TMTC2: variants seen among roughly 807,000 people sequenced by gnomAD.
TMTC2 encodes transmembrane O-mannosyltransferase targeting cadherins 2, also known as protein O-mannosyl-transferase TMTC2.
TMTC2 carries 43 observed loss-of-function variants against 82.4 expected under a neutral mutation model. The observed-to-expected ratio is 0.52, with a 90% confidence interval of 0.41 to 0.67. TMTC2 has a LOEUF of 0.67. Among genes scored for constraint, TMTC2 ranks in the 30% least tolerant of loss-of-function variants. The probability of loss-of-function intolerance (pLI) is 0.00; values close to 1 mark genes in which losing one functional copy is unlikely to be tolerated. For missense variants in TMTC2, 919 were observed against 1,012.4 expected (o/e 0.91, Z 1.25); for synonymous variants, 408 against 381.9 (o/e 1.07, Z -0.80).
chr12:83,032,783 AC>A (rs1881494139), intron 9 of TMTC2, among the ~76,000 whole-genome samples: 1 of 151,820 alleles, frequency 6.6e-6, no homozygotes, highest in South Asian at 2.1e-4. Flanking sequence ...CTGGTCTCAA[AC>A]TCCTGACCTC....
intron 1 of TMTC2, among the ~76,000 whole-genome samples, chr12:82,820,453 C>T (rs554513096): frequency 1.3e-4 from 19 of 151,610 alleles, no homozygotes; most frequent in South Asian, 2.1e-4. Context: ...TCTACTGCAA[C>T]GTCCTCCACC....
chr12:82,953,458 A>G (rs1231683721), intron 4 of TMTC2, among the ~76,000 whole-genome samples: 1 of 152,150 alleles, frequency 6.6e-6, no homozygotes, highest in Admixed American at 6.5e-5. Context: ...TTTGACTCAT[A>G]TCTATTTTAT....
At chr12:82,779,808 G>A (rs1877802132) in intron 1 of TMTC2, among the ~76,000 whole-genome samples, 1 of 152,112 alleles carries the variant, frequency 6.6e-6, no homozygotes, top group Admixed American at 6.5e-5. Flanking sequence ...GCTGAGACAG[G>A]AGAATTGCTT....
intron 9 of TMTC2, among the ~76,000 whole-genome samples, chr12:83,043,457 C>T (rs773853749): frequency 6.6e-6 from 1 of 152,174 alleles, no homozygotes; most frequent in Non-Finnish European, 1.5e-5. Flanking sequence ...GGCTTTTCCC[C>T]ATTTCTAATC....
chr12:82,990,590 G>A (rs529215462), intron 8 of TMTC2, among the ~76,000 whole-genome samples: 7 of 151,602 alleles, frequency 4.6e-5, no homozygotes, highest in Admixed American at 6.6e-5. Flanking sequence ...CATTAGTACC[G>A]GTCTCAGTAT....
At chr12:82,878,584 A>G (rs1872687459) in intron 2 of TMTC2, among the ~76,000 whole-genome samples, 1 of 152,356 alleles carries the variant, frequency 6.6e-6, no homozygotes, top group Admixed American at 6.5e-5. Flanking sequence ...ACTTTGAAAC[A>G]GTAAAGATAT....
At chr12:82,734,512 T>C (rs544396333) in intron 1 of TMTC2, among the ~76,000 whole-genome samples, 5 of 152,330 alleles carry the variant, frequency 3.3e-5, no homozygotes, top group African/African-American at 1.2e-4. Flanking sequence ...GCTTTGAATC[T>C]CTCTGACATC....
chr12:82,721,435 T>C (rs1370150402), intron 1 of TMTC2, among the ~76,000 whole-genome samples: 2 of 152,210 alleles, frequency 1.3e-5, no homozygotes, highest in Non-Finnish European at 2.9e-5. Context: ...TCTTTCTGAA[T>C]TAAATTATGG....
At chr12:82,890,491 A>G (rs987405237) in intron 2 of TMTC2, among the ~76,000 whole-genome samples, 82 of 152,246 alleles carry the variant, frequency 5.4e-4, no homozygotes, top group Admixed American at 5.2e-3. Flanking sequence ...GCTTGTTTAC[A>G]GTGAGGCAAA....
intron 1 of TMTC2, among the ~76,000 whole-genome samples, chr12:82,829,577 T>G (rs1869639466): frequency 6.6e-6 from 1 of 152,196 alleles, no homozygotes; most frequent in Non-Finnish European, 1.5e-5. Context: ...ATCCCACCTC[T>G]ATGATAGATA....
intron 1 of TMTC2, among the ~76,000 whole-genome samples, chr12:82,811,070 A>T (rs892486850): frequency 2.0e-4 from 30 of 152,034 alleles, no homozygotes; most frequent in African/African-American, 7.2e-4. Context: ...TCTCTACTAA[A>T]AATACAAAAA....
chr12:82,797,577 A>C (rs1878782022), intron 1 of TMTC2, among the ~76,000 whole-genome samples: 1 of 152,136 alleles, frequency 6.6e-6, no homozygotes, highest in South Asian at 2.1e-4. Flanking sequence ...GGCAGACAAA[A>C]ATGAGTCACC....
chr12:82,732,315 A>G (rs1298370192), intron 1 of TMTC2, among the ~76,000 whole-genome samples: 1 of 152,080 alleles, frequency 6.6e-6, no homozygotes, highest in Non-Finnish European at 1.5e-5. Flanking sequence ...ATTGAAGAAT[A>G]GGATAACCTT....
intron 11 of TMTC2, among the ~76,000 whole-genome samples, chr12:83,071,922 G>A (rs1883129280): frequency 6.6e-6 from 1 of 152,038 alleles, no homozygotes; most frequent in Non-Finnish European, 1.5e-5. Flanking sequence ...TCTTGCTAAA[G>A]GTCTATCAAT....
chr12:83,101,768 A>G (rs921866502), intron 11 of TMTC2, among the ~76,000 whole-genome samples: 1 of 152,212 alleles, frequency 6.6e-6, no homozygotes, highest in Non-Finnish European at 1.5e-5. Context: ...TTAAGATCGT[A>G]TAAGTATATA....
chr12:82,880,560 T>C (rs1008399931), intron 2 of TMTC2, among the ~76,000 whole-genome samples: 1 of 152,204 alleles, frequency 6.6e-6, no homozygotes, highest in African/African-American at 2.4e-5. Flanking sequence ...AACCGGTCCC[T>C]TCCACTTCTT....
intron 3 of TMTC2, among the ~76,000 whole-genome samples, chr12:82,906,707 A>C (rs1228984950): frequency 6.6e-6 from 1 of 152,134 alleles, no homozygotes; most frequent in Non-Finnish European, 1.5e-5. Flanking sequence ...AAACAAACAA[A>C]CAAAACAAGA....
In TMTC2 at chr12:82,993,371, GTT is replaced by G. The variant is rs34666513; in HGVS notation, c.2070+7335_2070+7336del. ...AACTGTGCAGGTCTACTTATACACA[GTT>G]TTTTTTTTTCAATAAATACATTGGA... On this transcript the variant is annotated intron_variant, in intron 8 of 11. Coordinates refer to ENST00000321196, the MANE Select transcript of TMTC2 (RefSeq NM_152588.3). 4.7e-5 allele frequency among the ~76,000 whole-genome samples: 7 copies of G among 149,762 alleles called. No homozygotes were observed. In the East Asian group the frequency reaches 5.9e-4, roughly 13 times the overall value.
chr12:82,811,066 C>T (rs983786610), intron 1 of TMTC2, among the ~76,000 whole-genome samples: 3 of 151,878 alleles, frequency 2.0e-5, no homozygotes, highest in African/African-American at 7.2e-5. Context: ...CCCATCTCTA[C>T]TAAAAATACA....
Sources: gnomAD v4.1 joint callset for allele counts (sites outside exome capture counted in the v4.1 genomes callset) on GRCh38, gnomAD v4.1.1 for gene constraint, MANE v1.5 for transcripts, NCBI Gene and HGNC (gene_info 2026-07-23, HGNC 2026-07-21) for gene names.